MAPK8IP3: variants seen among roughly 807,000 people sequenced by gnomAD.
MAPK8IP3 encodes the protein C-Jun-amino-terminal kinase-interacting protein 3.
Under a neutral mutation model 157.8 loss-of-function variants are expected in MAPK8IP3, and 49 were observed. The observed-to-expected ratio is 0.31, with a 90% CI of 0.25 to 0.39. The LOEUF (loss-of-function observed/expected upper bound fraction) is 0.39. Among genes scored for constraint, MAPK8IP3 ranks in the 10% least tolerant of loss-of-function variants. The pLI, the probability that MAPK8IP3 is intolerant of heterozygous loss-of-function variation, is 1.00. For missense variants in MAPK8IP3, 1,478 were observed against 1,889.4 expected (o/e 0.78, Z 4.04); for synonymous variants, 897 against 777.7 (o/e 1.15, Z -2.55).
intron 9 of MAPK8IP3, 23 bp from the exon 10 acceptor site, chr16:1,758,955 G>A: frequency 6.2e-7 from 1 of 1,614,106 alleles, no homozygotes; most frequent in East Asian, 2.2e-5. Flanking sequence ...CCCATCTCCT[G>A]TGGGACGGGG....
rs1353121880 is a variant in MAPK8IP3, at chr16:1,706,323, C to T, written c.-17C>T. 2 of 1,535,834 alleles carry T rather than the reference C, an allele frequency of 1.3e-6. No homozygotes were observed. The highest frequency in any genetic ancestry group is 1.4e-5 in the African/African-American group (1 of 72,452). The stretch of plus-strand genomic sequence containing the variant: ...CCGGCCGGATAGCGAGCCGCGCTGG[C>T]GGCGGCGGTGGCCGCGATGATGGAG... On this transcript the variant is annotated 5_prime_UTR_variant, in exon 1 of 32. Coordinates refer to ENST00000610761, the MANE Select transcript of MAPK8IP3 (RefSeq NM_001318852.2). This position sits in a 1 kb window ranked among gnomAD's most constrained non-coding sequence, Gnocchi z 5.1.
rs369890197 is a variant in MAPK8IP3, at chr16:1,762,378, C to T, written c.1567C>T (p.Arg523Cys). ...SDKIPMAQRR[R>C]FTRVEMARVL... ...CAAAATCCCCATGGCCCAGCGCCGC[C>T]GCTTCACGCGGGTGGAGATGGCCCG... Residue 523 changes from arginine (R) to cysteine (C), a missense_variant, in exon 14 of 32, where the codon CGC becomes TGC. Transcript: ENST00000610761. 1.9e-6 allele frequency: 3 copies of T among 1,586,740 alleles called. No individual in the cohort carries two copies. The highest frequency in any genetic ancestry group is 2.6e-6 in the Non-Finnish European group (3 of 1,166,768).
At chr16:1,736,696 G>T (rs530027447) in intron 4 of MAPK8IP3, among the ~76,000 whole-genome samples, 4 of 77,440 alleles carry the variant, frequency 5.2e-5, no homozygotes. Context: ...GTGACCGACC[G>T]TGTGAGCGTC....
intron 9 of MAPK8IP3, 91 bp downstream of exon 9, chr16:1,758,250 C>G: frequency 6.8e-7 from 1 of 1,460,976 alleles, no homozygotes; most frequent in Non-Finnish European, 9.5e-7. Context: ...GTCACCGTGG[C>G]TGTGTGGACT....
chr16:1,762,723 C>T lies in MAPK8IP3; in HGVS notation c.1719C>T (p.Ile573=). The part of the protein sequence containing the change: ...PSVQEKKKST[I]WQFFSRLFSS... ...TCCAGGAGAAGAAGAAGTCGACCAT[C>T]TGGCAGTTGTAAGCTGGGGGCCCCT... The change falls in exon 15 of 32, where the codon ATC becomes ATT. Residue 573 remains isoleucine (I), a synonymous_variant. Coordinates refer to ENST00000610761, the MANE Select transcript of MAPK8IP3 (RefSeq NM_001318852.2). The T allele has an allele frequency of 6.3e-7, 1 of 1,577,526 alleles. No individual in the cohort carries two copies. Among genetic ancestry groups the T allele is most frequent in the South Asian group, 1.2e-5 (1 of 86,108 alleles).
At chr16:1,713,372 C>T (rs2037922382) in intron 1 of MAPK8IP3, among the ~76,000 whole-genome samples, 7 of 152,206 alleles carry the variant, frequency 4.6e-5, no homozygotes, top group Admixed American at 4.6e-4. Flanking sequence ...GCTCGTGCCA[C>T]CATGCCCGGC....
chr16:1,748,214 G>T, intron 6 of MAPK8IP3, 30 bp from the exon 7 acceptor site: 1 of 1,562,786 alleles, frequency 6.4e-7, no homozygotes, highest in South Asian at 1.1e-5. Flanking sequence ...ACCCTCTCCT[G>T]ACCCCAGGTG....
intron 1 of MAPK8IP3, among the ~76,000 whole-genome samples, chr16:1,709,586 T>C (rs1248398106): frequency 2.0e-5 from 3 of 152,248 alleles, no homozygotes; most frequent in Admixed American, 2.0e-4. Context: ...TTTCTGGTTG[T>C]GCAGGCTCTG....
At chr16:1,758,252 G>A (rs897906667) in intron 9 of MAPK8IP3, 93 bp downstream of exon 9, 7 of 1,465,190 alleles carry the variant, frequency 4.8e-6, no homozygotes, top group Middle Eastern at 2.0e-4. Flanking sequence ...CACCGTGGCT[G>A]TGTGGACTGC....
intron 1 of MAPK8IP3, chr16:1,707,542 C>G (rs1448509853): frequency 2.6e-5 from 4 of 152,338 alleles, no homozygotes; most frequent in Non-Finnish European, 5.9e-5. Flanking sequence ...GAGCCGGGCC[C>G]TGTGGGGAGC....
Sources: allele counts gnomAD v4.1 joint callset (sites outside exome capture counted in the v4.1 genomes callset), GRCh38; gene constraint gnomAD v4.1.1; non-coding constraint Gnocchi (gnomAD v3.1); transcripts MANE v1.5; gene names NCBI Gene and HGNC (gene_info 2026-07-23, HGNC 2026-07-21).